The following TRAF3 variants were observed in gnomAD, a reference collection of about 807,000 sequenced individuals.
TRAF3 encodes TNF receptor associated factor 3.
Under a neutral mutation model 62.3 loss-of-function variants are expected in TRAF3, and 13 were observed. That is an observed-to-expected ratio of 0.21 (90% CI 0.14 to 0.33). The LOEUF is 0.33. Among genes scored for constraint, TRAF3 ranks in the 10% least tolerant of loss-of-function variants. TRAF3 has a pLI of 1.00. For synonymous variants in TRAF3, 269 were observed against 283.4 expected (o/e 0.95, Z 0.51); for missense variants, 440 against 741.8 (o/e 0.59, Z 4.73).
At chr14:102,846,487 C>T (rs559334405) in intron 2 of TRAF3, among the ~76,000 whole-genome samples, 10 of 151,760 alleles carry the variant, frequency 6.6e-5, no homozygotes, top group Non-Finnish European at 1.5e-4. Flanking sequence ...TGATAAATCT[C>T]TAAAGAAAAG....
chr14:102,843,482 C>T (rs1488013393), intron 2 of TRAF3, among the ~76,000 whole-genome samples: 1 of 151,854 alleles, frequency 6.6e-6, no homozygotes, highest in Non-Finnish European at 1.5e-5. Context: ...GGACTATAAG[C>T]GTGTGCCACC....
At chr14:102,896,988 C>T (rs1352704621) in intron 9 of TRAF3, among the ~76,000 whole-genome samples, 2 of 152,162 alleles carry the variant, frequency 1.3e-5, no homozygotes, top group African/African-American at 4.8e-5. Flanking sequence ...GTGGGAGGAT[C>T]ACTTGAGCCC....
In TRAF3 at chr14:102,903,810, G is replaced by A. The variant is rs1198061901; in HGVS notation, c.1135+381G>A. 4.2e-6 allele frequency: 2 copies of A among 477,168 alleles called. No individual in the cohort carries two copies. Among genetic ancestry groups the A allele is most frequent in the Non-Finnish European group, 8.3e-6 (2 of 241,232 alleles). The allele number at this position is 477,168 out of a possible 1,614,324, so 29.6% of individuals were successfully genotyped here. ...CCCAGACCCCACTCCTAAGGGCCAG[G>A]GGGCAGCAGTCCCACCGCGCTCTGC... On this transcript the variant is annotated intron_variant, in intron 11 of 11. Transcript: ENST00000392745. The surrounding 1 kb of genome is among the most constrained non-coding windows in gnomAD (Gnocchi z 6.4).
At chr14:102,798,902 A>G (rs990331681) in intron 1 of TRAF3, among the ~76,000 whole-genome samples, 1 of 152,204 alleles carries the variant, frequency 6.6e-6, no homozygotes, top group African/African-American at 2.4e-5. Flanking sequence ...TCAGTCTGGA[A>G]CGTGACACTT....
Position 102,826,235 on chromosome 14 carries a change from C to G in TRAF3, c.-156-4099C>G, listed in dbSNP as rs752672759. 3.3e-5 allele frequency among the ~76,000 whole-genome samples: 5 copies of G among 152,080 alleles called. No individual in the cohort carries two copies. The highest frequency in any genetic ancestry group is 5.9e-5 in the Non-Finnish European group (4 of 68,034). On this transcript the variant is annotated intron_variant, in intron 1 of 11. Coordinates refer to ENST00000392745, the MANE Select transcript of TRAF3 (RefSeq NM_145725.3). The surrounding 1 kb of genome is among the most constrained non-coding windows in gnomAD (Gnocchi z 4.6). ...ATCCTGGCTCTTCTGCTTGAACTGACTGTGCCTCAGCATCCTCGTCTGTCT... is the reference window on the plus strand; with the variant it reads ...ATCCTGGCTCTTCTGCTTGAACTGAGTGTGCCTCAGCATCCTCGTCTGTCT...
At chr14:102,831,223 C>A (rs2139630689) in intron 2 of TRAF3, among the ~76,000 whole-genome samples, 1 of 152,240 alleles carries the variant, frequency 6.6e-6, no homozygotes, top group South Asian at 2.1e-4. Context: ...GAGTTAGGTC[C>A]TTAAAAGGGT....
chr14:102,825,543 C>T (rs1900252241), intron 1 of TRAF3, among the ~76,000 whole-genome samples: 1 of 152,228 alleles, frequency 6.6e-6, no homozygotes, highest in African/African-American at 2.4e-5. Flanking sequence ...CCAGGAGGCA[C>T]AAGAGTGTTG....
chr14:102,841,824 TA>T (rs1490507223), intron 2 of TRAF3, among the ~76,000 whole-genome samples: 9 of 151,966 alleles, frequency 5.9e-5, no homozygotes, highest in Non-Finnish European at 1.2e-4. Context: ...ACACAAACAT[TA>T]AAATAACTTA....
rs1890064629 is a variant in TRAF3, at chr14:102,897,500, C to A, written c.960+99C>A. On this transcript the variant is annotated intron_variant, in intron 10 of 11. Transcript: ENST00000392745. The stretch of plus-strand genomic sequence containing the variant: ...CAAACTCTTTGAGCTGAGTCCTTGA[C>A]CTTTGCAAGCAGAAAGGCAACTGAT... 3.1e-5 allele frequency: 45 copies of A among 1,474,282 alleles called. No individual in the cohort carries two copies. In the South Asian group the frequency reaches 5.2e-4, roughly 17 times the overall value. The allele number at this position is 1,474,282 out of a possible 1,614,324, so 91.3% of individuals were successfully genotyped here.
chr14:102,816,105 A>ATTT (rs550927487), intron 1 of TRAF3, among the ~76,000 whole-genome samples: 1 of 144,878 alleles, frequency 6.9e-6, no homozygotes, highest in African/African-American at 2.5e-5. Context: ...TCTAAATTCT[A>ATTT]TTTTTTTTTT....
intron 1 of TRAF3, among the ~76,000 whole-genome samples, chr14:102,779,269 CTTTTTTT>C (rs61309052): frequency 5.7e-5 from 7 of 123,438 alleles, no homozygotes; most frequent in East Asian, 2.4e-4. Context: ...AGAATTCCAG[CTTTTTTT>C]TTTTTTTTTT....
intron 2 of TRAF3, among the ~76,000 whole-genome samples, chr14:102,842,916 G>T (rs969430468): frequency 7.9e-5 from 12 of 152,074 alleles, no homozygotes; most frequent in Admixed American, 5.2e-4. Flanking sequence ...CAGAAGTAAA[G>T]AAATTTTTAG....
chr14:102,881,267 C>T lies in TRAF3; in HGVS notation c.570+4742C>T, dbSNP rs888126722. Among the ~76,000 whole-genome samples, 3 of 151,942 alleles carry T rather than the reference C, an allele frequency of 2.0e-5. No homozygotes were observed. The South Asian group carries it at 6.2e-4, about 32-fold the overall frequency. On this transcript the variant is annotated intron_variant, in intron 6 of 11. Coordinates refer to ENST00000392745, the MANE Select transcript of TRAF3 (RefSeq NM_145725.3). ...GGCATGGTAACACATGCCTGTAATC[C>T]CAGCTACTCGGGAGACTGAGACAGG...
At chr14:102,783,379 A>T (rs1004153294) in intron 1 of TRAF3, among the ~76,000 whole-genome samples, 1 of 152,222 alleles carries the variant, frequency 6.6e-6, no homozygotes, top group Non-Finnish European at 1.5e-5. Context: ...TTAATGACTT[A>T]AAAGCTGGAA....
At chr14:102,798,680 GC>G (rs1898230557) in intron 1 of TRAF3, among the ~76,000 whole-genome samples, 1 of 152,096 alleles carries the variant, frequency 6.6e-6, no homozygotes, top group Non-Finnish European at 1.5e-5. Flanking sequence ...CCTCTATGTT[GC>G]CCAGGCTGGT....
intron 1 of TRAF3, among the ~76,000 whole-genome samples, chr14:102,792,046 C>T (rs1240765515): frequency 1.3e-5 from 2 of 150,400 alleles, no homozygotes; most frequent in Non-Finnish European, 2.9e-5. Flanking sequence ...TCCCAAACTC[C>T]TGAGCAGTCA....
intron 2 of TRAF3, among the ~76,000 whole-genome samples, chr14:102,862,624 G>A (rs1887747061): frequency 6.6e-6 from 1 of 152,026 alleles, no homozygotes; most frequent in Admixed American, 6.5e-5. Context: ...AGTTTGTCGA[G>A]CTTCCTGGTT....
At chr14:102,862,775 T>C (rs1887756731) in intron 2 of TRAF3, among the ~76,000 whole-genome samples, 2 of 152,186 alleles carry the variant, frequency 1.3e-5, no homozygotes, top group African/African-American at 4.8e-5. Flanking sequence ...CACAAGTCTC[T>C]GAGGCTGTTT....
Position 102,905,586 on chromosome 14 carries a change from C to T in TRAF3, c.1509C>T (p.Ser503=), listed in dbSNP as rs138943371. Reference sequence around the variant, plus strand: ...CACTCATGCTGATGGATCAGGGGTCCTCTCGACGTCATTTGGGAGATGCAT... The same window carrying T: ...CACTCATGCTGATGGATCAGGGGTCTTCTCGACGTCATTTGGGAGATGCAT... ...KVTLMLMDQG[S]SRRHLGDAFK... The change falls in exon 12 of 12, where the codon TCC becomes TCT. Residue 503 remains serine, a synonymous_variant. Transcript: ENST00000392745. 4,847 of 1,614,156 alleles carry T rather than the reference C, an allele frequency of 3.0e-3. 17 individuals are homozygous for T. The highest frequency in any genetic ancestry group is 3.3e-3 in the Non-Finnish European group (3,871 of 1,180,032).
Sources: gnomAD v4.1 joint callset for allele counts (sites outside exome capture counted in the v4.1 genomes callset) on GRCh38, gnomAD v4.1.1 for gene constraint, Gnocchi (gnomAD v3.1) non-coding constraint, MANE v1.5 for transcripts, NCBI Gene and HGNC (gene_info 2026-07-23, HGNC 2026-07-21) for gene names.